DPY19L2: variants seen among roughly 807,000 people sequenced by gnomAD.
The protein encoded by DPY19L2 is probable C-mannosyltransferase DPY19L2.
DPY19L2 carries 34 observed loss-of-function variants against 97.9 expected under a neutral mutation model. The observed-to-expected ratio is 0.35, with a 90% CI of 0.26 to 0.46. The LOEUF is 0.46. DPY19L2 is among the 20% of genes least tolerant of loss of function. The pLI, the probability that DPY19L2 is intolerant of heterozygous loss-of-function variation, is 1.00. For synonymous variants in DPY19L2, 230 were observed against 307.9 expected (o/e 0.75, Z 2.65); for missense variants, 623 against 911.4 (o/e 0.68, Z 4.07).
chr12:63,575,029 A>T (rs1879560765), intron 19 of DPY19L2, among the ~76,000 whole-genome samples: 1 of 152,054 alleles, frequency 6.6e-6, no homozygotes, highest in Admixed American at 6.6e-5. Context: ...CAGCACATGG[A>T]TCATTCCTCA....
Position 63,558,963 on chromosome 12 carries a change from A to T in DPY19L2, c.*1549T>A, listed in dbSNP as rs1423892698. 6.6e-6 allele frequency: 1 copy of T among 152,216 alleles called. No individual in the cohort carries two copies. The highest frequency in any genetic ancestry group is 2.4e-5 in the African/African-American group (1 of 41,466). The allele number at this position is 152,216 out of a possible 1,614,324, so 9.4% of individuals were successfully genotyped here. ...TTTTAATGCATAAATCCAAACATAT[A>T]TTTGTACTGAATATTTTATTAGCTA... On this transcript the variant is annotated 3_prime_UTR_variant, in exon 22 of 22. Coordinates refer to ENST00000324472, the MANE Select transcript of DPY19L2 (RefSeq NM_173812.5).
chr12:63,585,043 C>T (rs893878710), intron 16 of DPY19L2, among the ~76,000 whole-genome samples: 13 of 152,040 alleles, frequency 8.6e-5, no homozygotes, highest in Admixed American at 2.6e-4. Flanking sequence ...GTGGCAATCA[C>T]GTGTGTTACT....
At chr12:63,608,251 G>A (rs1179765692) in intron 12 of DPY19L2, among the ~76,000 whole-genome samples, 2 of 152,136 alleles carry the variant, frequency 1.3e-5, no homozygotes, top group African/African-American at 2.4e-5. Flanking sequence ...AAAGGAGAAA[G>A]CTGGCAAGAA....
At chr12:63,598,036 C>T in intron 13 of DPY19L2, 126 bp from the exon 14 acceptor site, 2 of 691,924 alleles carry the variant, frequency 2.9e-6, no homozygotes, top group Non-Finnish European at 4.3e-6. Context: ...ATTTAGACAT[C>T]CCTCTAAGAA....
intron 16 of DPY19L2, among the ~76,000 whole-genome samples, chr12:63,587,211 C>T (rs1881943410): frequency 6.6e-6 from 1 of 151,984 alleles, no homozygotes; most frequent in South Asian, 2.1e-4. Context: ...AATAAAAGTA[C>T]AATCCTATAA....
chr12:63,628,030 C>T (rs892357167), intron 6 of DPY19L2, among the ~76,000 whole-genome samples: 12 of 152,114 alleles, frequency 7.9e-5, no homozygotes. Flanking sequence ...GACCAATTGT[C>T]AATGGAGGAA....
At chr12:63,637,176 T>C (rs1263224246) in intron 6 of DPY19L2, among the ~76,000 whole-genome samples, 1 of 152,162 alleles carries the variant, frequency 6.6e-6, no homozygotes, top group Non-Finnish European at 1.5e-5. Flanking sequence ...AACCTGCTCC[T>C]GAATGACTAC....
rs2138123763 is a variant in DPY19L2 at position 63,644,251 on chromosome 12, G to T, written c.803+152C>A. 3.3e-6 allele frequency: 3 copies of T among 900,282 alleles called. No individual in the cohort carries two copies. The East Asian group carries it at 8.4e-5, about 25-fold the overall frequency. The allele number at this position is 900,282 out of a possible 1,614,324, so 55.8% of individuals were successfully genotyped here. On this transcript the variant is annotated intron_variant, in intron 6 of 21. Coordinates refer to ENST00000324472, the MANE Select transcript of DPY19L2 (RefSeq NM_173812.5). ...TGACATCTCCAGTTTCTGGTTACATGATATTGGTTAAGCTTCTGAAAAATC... is the reference window on the plus strand; with the variant it reads ...TGACATCTCCAGTTTCTGGTTACATTATATTGGTTAAGCTTCTGAAAAATC...
At chr12:63,661,158 G>C (rs922409403) in intron 4 of DPY19L2, 186 bp downstream of exon 4, 10 of 457,950 alleles carry the variant, frequency 2.2e-5, no homozygotes, top group Non-Finnish European at 2.9e-5. Context: ...GAGTTCATGA[G>C]AGAACAGTTT....
intron 5 of DPY19L2, among the ~76,000 whole-genome samples, chr12:63,646,818 A>T (rs191239562): frequency 6.6e-6 from 1 of 152,176 alleles, no homozygotes; most frequent in Non-Finnish European, 1.5e-5. Flanking sequence ...TAAAAAAGTA[A>T]TATTTCTAAA....
intron 14 of DPY19L2, among the ~76,000 whole-genome samples, chr12:63,597,397 C>A (rs1884428180): frequency 6.6e-6 from 1 of 151,730 alleles, no homozygotes; most frequent in Admixed American, 6.6e-5. Context: ...CTTGGTAACA[C>A]CTTGTTAAAA....
In DPY19L2 at chr12:63,570,869, A is replaced by G. The variant is rs188692495; in HGVS notation, c.1901-12T>C. 0.012 allele frequency: 18,430 copies of G among 1,599,690 alleles called. 240 individuals are homozygous for G. The highest frequency in any genetic ancestry group is 0.056 in the African/African-American group (4,111 of 73,670). On this transcript the variant is annotated splice_polypyrimidine_tract_variant and intron_variant, in intron 19 of 21. Coordinates refer to ENST00000324472, the MANE Select transcript of DPY19L2 (RefSeq NM_173812.5). ...TGCAAAGACAGCATCTGAAAAAAAA[A>G]AAAGGATATATTCTTCAATTAAATG... is the stretch of plus-strand genomic sequence containing the variant.
chr12:63,632,245 T>G (rs1260230211), intron 6 of DPY19L2, among the ~76,000 whole-genome samples: 1 of 152,102 alleles, frequency 6.6e-6, no homozygotes, highest in Non-Finnish European at 1.5e-5. Context: ...AAATAAAAGG[T>G]ATTCAATTAG....
In DPY19L2 at chr12:63,662,315, C is replaced by T. The variant is rs371572994; in HGVS notation, c.451-834G>A. On this transcript the variant is annotated intron_variant, in intron 3 of 21. Transcript: ENST00000324472. Reference sequence around the variant, plus strand: ...ATAATCATATCTGCCTCATCCAACACGAGTAAGTACTAAATTACAGGTCTG... The same window carrying T: ...ATAATCATATCTGCCTCATCCAACATGAGTAAGTACTAAATTACAGGTCTG... Among the ~76,000 whole-genome samples the T allele has an allele frequency of 7.2e-5, 11 of 152,010 alleles. No individual in the cohort carries two copies. The South Asian group carries it at 1.5e-3, about 20-fold the overall frequency.
chr12:63,568,837 C>T (rs1470001404), intron 21 of DPY19L2, among the ~76,000 whole-genome samples: 1 of 151,916 alleles, frequency 6.6e-6, no homozygotes, highest in Non-Finnish European at 1.5e-5. Context: ...TGGGTTTTGT[C>T]ACTTTTCTTT....
At chr12:63,629,019 G>A (rs1237216454) in intron 6 of DPY19L2, among the ~76,000 whole-genome samples, 1 of 152,004 alleles carries the variant, frequency 6.6e-6, no homozygotes, top group Non-Finnish European at 1.5e-5. Flanking sequence ...ACTGTTAGAA[G>A]GAAAACTAAC....
intron 21 of DPY19L2, among the ~76,000 whole-genome samples, chr12:63,568,487 C>G (rs1399208725): frequency 2.0e-5 from 3 of 152,002 alleles, no homozygotes; most frequent in Admixed American, 6.6e-5. Context: ...AATCCAACAT[C>G]TGGACCTACT....
At chr12:63,614,062 C>T (rs1275316572) in intron 11 of DPY19L2, among the ~76,000 whole-genome samples, 9 of 151,380 alleles carry the variant, frequency 5.9e-5, no homozygotes, top group Non-Finnish European at 1.0e-4. Flanking sequence ...TGGTGGCAGG[C>T]GCCTGTAATC....
chr12:63,626,108 A>G (rs534255724), intron 7 of DPY19L2, among the ~76,000 whole-genome samples: 1 of 151,392 alleles, frequency 6.6e-6, no homozygotes, highest in Non-Finnish European at 1.5e-5. Context: ...CTTTCTCTAA[A>G]TTTAAATTTC....
Sources: allele counts gnomAD v4.1 joint callset (sites outside exome capture counted in the v4.1 genomes callset), GRCh38; gene constraint gnomAD v4.1.1; transcripts MANE v1.5; gene names NCBI Gene and HGNC (gene_info 2026-07-23, HGNC 2026-07-21).